Variants in DCDC2C observed in about 807,000 individuals in gnomAD.
DCDC2C encodes the protein doublecortin domain containing 2C.
DCDC2C carries 44 observed loss-of-function variants against 45.0 expected under a neutral mutation model. The observed-to-expected ratio is 0.98, with a 90% CI of 0.77 to 1.26. The LOEUF (loss-of-function observed/expected upper bound fraction) is 1.26. Among genes scored for constraint, DCDC2C ranks in the 50% most tolerant of loss-of-function variants. DCDC2C has a pLI of 0.00. For synonymous variants in DCDC2C, 187 were observed against 178.8 expected, an observed-to-expected ratio of 1.05 and a Z score of -0.37; for missense variants, 447 against 468.9, an observed-to-expected ratio of 0.95 and a Z score of 0.43.
At chr2:3,707,715 GC>G (rs1176781190) in intron 1 of DCDC2C, among the ~76,000 whole-genome samples, 1 of 152,170 alleles carries the variant, frequency 6.6e-6, no homozygotes, top group Non-Finnish European at 1.5e-5. Context: ...ACCAGCCACA[GC>G]CCCCACCAGT....
In DCDC2C at chr2:3,815,691, T is replaced by A. The variant is rs565914311; in HGVS notation, c.1065+30591T>A. On this transcript the variant is annotated intron_variant, in intron 10 of 10. Coordinates refer to ENST00000399143, the MANE Select transcript of DCDC2C (RefSeq NM_001287444.2). ...ATGGGGCCGTTTTATAGGATTTGGG[T>A]AGGTAGTGGAAAATTACAATCAAAG... 1.0e-3 allele frequency among the ~76,000 whole-genome samples: 157 copies of A among 152,006 alleles called. 2 individuals carry two copies. Among genetic ancestry groups the A allele is most frequent in the Non-Finnish European group, 2.4e-4 (16 of 67,976 alleles).
chr2:3,721,999 A>G (rs1221234414), intron 2 of DCDC2C, among the ~76,000 whole-genome samples: 1 of 152,238 alleles, frequency 6.6e-6, no homozygotes, highest in African/African-American at 2.4e-5. Context: ...AAACAAACTA[A>G]TACACTGTTA....
At chr2:3,837,449 C>T (rs1672109426) in intron 10 of DCDC2C, among the ~76,000 whole-genome samples, 1 of 151,974 alleles carries the variant, frequency 6.6e-6, no homozygotes, top group African/African-American at 2.4e-5. Context: ...AGGGGACACT[C>T]GGAGGGAACT....
At chr2:3,836,072 A>T (rs145931110) in intron 10 of DCDC2C, among the ~76,000 whole-genome samples, 98 of 152,316 alleles carry the variant, frequency 6.4e-4, no homozygotes, top group African/African-American at 2.2e-3. Context: ...TATTTGAAAG[A>T]AACCATCAGA....
chr2:3,744,637 A>G (rs561241008), intron 4 of DCDC2C, among the ~76,000 whole-genome samples: 1 of 152,236 alleles, frequency 6.6e-6, no homozygotes, highest in Non-Finnish European at 1.5e-5. Flanking sequence ...ATCCTGCCTT[A>G]TGCTTTTGTC....
At chr2:3,798,338 T>C (rs1313054499) in intron 10 of DCDC2C, among the ~76,000 whole-genome samples, 1 of 151,362 alleles carries the variant, frequency 6.6e-6, no homozygotes, top group Non-Finnish European at 1.5e-5. Flanking sequence ...TGCCAGTCTG[T>C]GTCTTTTAAT....
At chr2:3,771,503 G>A (rs1402673993) in intron 8 of DCDC2C, among the ~76,000 whole-genome samples, 1 of 152,152 alleles carries the variant, frequency 6.6e-6, no homozygotes, top group South Asian at 2.1e-4. Flanking sequence ...TGAGTGTATT[G>A]TTTCAGAGAA....
At chr2:3,720,180 GC>G (rs1186182486) in intron 2 of DCDC2C, among the ~76,000 whole-genome samples, 1 of 152,268 alleles carries the variant, frequency 6.6e-6, no homozygotes, top group Non-Finnish European at 1.5e-5. Flanking sequence ...GCAAATGGAT[GC>G]CTTAGAAGGT....
At chr2:3,811,909 C>T (rs1180290092) in intron 10 of DCDC2C, among the ~76,000 whole-genome samples, 1 of 152,196 alleles carries the variant, frequency 6.6e-6, no homozygotes, top group Admixed American at 6.5e-5. Flanking sequence ...TTGAACCAGC[C>T]TTGCATCGCA....
intron 2 of DCDC2C, among the ~76,000 whole-genome samples, chr2:3,726,254 G>A (rs1668683667): frequency 6.6e-6 from 1 of 152,102 alleles, no homozygotes; most frequent in Non-Finnish European, 1.5e-5. Context: ...TCCTCGGTGA[G>A]CCTCAGCCTT....
At position 3,785,046 on chromosome 2, in the gene DCDC2C, T is replaced by A; in HGVS notation, c.1024-13T>A. ...TGCGATAGTTGATTCCTATATTTGT[T>A]TTTTCATACTAGGATAAAGAAGATG... On this transcript the variant is annotated splice_polypyrimidine_tract_variant and intron_variant, in intron 9 of 10. Coordinates refer to ENST00000399143, the MANE Select transcript of DCDC2C (RefSeq NM_001287444.2). 8.1e-7 allele frequency: 1 copy of A among 1,231,352 alleles called. No homozygotes were observed. The highest frequency in any genetic ancestry group is 1.0e-6 in the Non-Finnish European group (1 of 987,624). 76.3% of individuals were successfully genotyped at this position (1,231,352 alleles called of 1,614,324 possible).
Position 3,752,901 on chromosome 2 carries a change from G to C in DCDC2C, c.683+1G>C. Reference sequence around the variant, plus strand: ...CAAGGGTGCCCAGTGAGGTCCAACAGTGAGCATGCTTCGTACCTTTCTTTC... The same window carrying C: ...CAAGGGTGCCCAGTGAGGTCCAACACTGAGCATGCTTCGTACCTTTCTTTC... On this transcript the variant is annotated splice_donor_variant, in intron 5 of 10. Coordinates refer to ENST00000399143, the MANE Select transcript of DCDC2C (RefSeq NM_001287444.2). LOFTEE classifies it high-confidence loss of function. 1 of 1,550,410 alleles carries C rather than the reference G, an allele frequency of 6.4e-7. No individual in the cohort carries two copies. The highest frequency in any genetic ancestry group is 1.2e-5 in the South Asian group (1 of 84,052).
chr2:3,738,575 C>T (rs1669098637), intron 3 of DCDC2C, among the ~76,000 whole-genome samples: 1 of 139,458 alleles, frequency 7.2e-6, no homozygotes, highest in African/African-American at 2.7e-5. Context: ...AAAAAAGCCT[C>T]CCAGCTTATA....
intron 8 of DCDC2C, among the ~76,000 whole-genome samples, chr2:3,776,416 C>T (rs550668943): frequency 3.9e-5 from 6 of 152,300 alleles, no homozygotes; most frequent in East Asian, 3.9e-4. Context: ...ACAGCTCTTC[C>T]GCTCTGTGCC....
chr2:3,750,206 C>T (rs141957414), intron 4 of DCDC2C, among the ~76,000 whole-genome samples: 30 of 152,234 alleles, frequency 2.0e-4, no homozygotes, highest in Non-Finnish European at 2.8e-4. Context: ...AACATAAGCA[C>T]GATTTTCTGT....
chr2:3,711,321 G>A (rs1301562589), intron 2 of DCDC2C, among the ~76,000 whole-genome samples: 2 of 152,044 alleles, frequency 1.3e-5, no homozygotes, highest in East Asian at 1.9e-4. Flanking sequence ...AAATCATCCT[G>A]TCATAAAGAT....
At chr2:3,728,927 G>A (rs1415191757) in intron 3 of DCDC2C, among the ~76,000 whole-genome samples, 1 of 152,188 alleles carries the variant, frequency 6.6e-6, no homozygotes, top group Non-Finnish European at 1.5e-5. Context: ...TGCATGGGTT[G>A]GAAGTCACTG....
At chr2:3,722,759 T>G (rs1668534144) in intron 2 of DCDC2C, among the ~76,000 whole-genome samples, 1 of 152,194 alleles carries the variant, frequency 6.6e-6, no homozygotes, top group Non-Finnish European at 1.5e-5. Context: ...GTTATTTAAT[T>G]AGGCAGGTGA....
chr2:3,706,100 TGG>T (rs1668058537), intron 1 of DCDC2C, among the ~76,000 whole-genome samples: 1 of 152,232 alleles, frequency 6.6e-6, no homozygotes, highest in Non-Finnish European at 1.5e-5. Flanking sequence ...GGATTTTCAC[TGG>T]TATTAGTAAA....
Sources: gnomAD v4.1 joint callset for allele counts (sites outside exome capture counted in the v4.1 genomes callset) on GRCh38, gnomAD v4.1.1 for gene constraint, MANE v1.5 for transcripts, NCBI Gene and HGNC (gene_info 2026-07-23, HGNC 2026-07-21) for gene names.